ABTB3: variants seen among roughly 807,000 people sequenced by gnomAD.
The protein encoded by ABTB3 is ankyrin repeat and BTB domain containing 3.
At chr12:107,441,773 A>T in the ABTB3 span, among the ~76,000 whole-genome samples, 1 of 144,370 alleles carries the variant, frequency 6.9e-6, no homozygotes, top group Non-Finnish European at 1.5e-5. Flanking sequence ...ACTTGTCTCT[A>T]CAAAAAAAAA....
At chr12:107,359,203 G>A in the ABTB3 span, among the ~76,000 whole-genome samples, 1 of 152,266 alleles carries the variant, frequency 6.6e-6, no homozygotes, top group Non-Finnish European at 1.5e-5. Flanking sequence ...CAAAAGGTAG[G>A]AGGCATGGAA....
the ABTB3 span, among the ~76,000 whole-genome samples, chr12:107,466,479 C>T: frequency 1.3e-5 from 2 of 151,434 alleles, no homozygotes; most frequent in East Asian, 2.0e-4. Flanking sequence ...CACAAATGTC[C>T]AATAGAGGCA....
the ABTB3 span, among the ~76,000 whole-genome samples, chr12:107,407,440 CT>C: frequency 6.6e-6 from 1 of 152,242 alleles, no homozygotes. Context: ...TCCAAGAAGG[CT>C]TGGCCCCTTG....
chr12:107,503,051 C>T, the ABTB3 span, among the ~76,000 whole-genome samples: 1 of 152,130 alleles, frequency 6.6e-6, no homozygotes, highest in African/African-American at 2.4e-5. Flanking sequence ...CATGCCAGGC[C>T]TTATAGGGTC....
the ABTB3 span, among the ~76,000 whole-genome samples, chr12:107,469,868 TTCTTTC>T: frequency 3.6e-4 from 29 of 80,146 alleles, no homozygotes; most frequent in Non-Finnish European, 5.4e-4. Context: ...TTTCTTTCTT[TTCTTTC>T]TTTCTTTCTT....
the ABTB3 span, among the ~76,000 whole-genome samples, chr12:107,574,361 A>G: frequency 1.1e-4 from 16 of 152,222 alleles, no homozygotes; most frequent in Non-Finnish European, 1.9e-4. Flanking sequence ...GATTCTCTGT[A>G]GGTCATGGTT....
chr12:107,342,305 C>T, the ABTB3 span, among the ~76,000 whole-genome samples: 12 of 152,148 alleles, frequency 7.9e-5, no homozygotes, highest in African/African-American at 2.9e-4. Flanking sequence ...TCCATCCAAG[C>T]AGCTCCCTAG....
the ABTB3 span, among the ~76,000 whole-genome samples, chr12:107,548,956 G>T: frequency 1.2e-4 from 19 of 152,176 alleles, no homozygotes; most frequent in African/African-American, 4.6e-4. Context: ...GTAATGCCTA[G>T]GGTAACTGTG....
chr12:107,576,907 G>C, the ABTB3 span, among the ~76,000 whole-genome samples: 3 of 152,076 alleles, frequency 2.0e-5, no homozygotes, highest in Non-Finnish European at 2.9e-5. Flanking sequence ...AAAACTTTCT[G>C]TCCCTATCAC....
At chr12:107,350,377 C>T in the ABTB3 span, among the ~76,000 whole-genome samples, 1 of 151,780 alleles carries the variant, frequency 6.6e-6, no homozygotes, top group Admixed American at 6.6e-5. Context: ...GGTGAAACCC[C>T]GTCTCTACTA....
At chr12:107,494,179 A>T in the ABTB3 span, among the ~76,000 whole-genome samples, 118 of 152,324 alleles carry the variant, frequency 7.7e-4, no homozygotes, top group Non-Finnish European at 1.3e-3. Context: ...GAGAGTGAAG[A>T]ATTCATATGA....
the ABTB3 span, chr12:107,610,375 G>T: frequency 6.2e-7 from 1 of 1,611,180 alleles, no homozygotes; most frequent in East Asian, 2.2e-5. Flanking sequence ...CCGAGGGTCT[G>T]AACAGGCTCC....
At chr12:107,551,442 C>T in the ABTB3 span, among the ~76,000 whole-genome samples, 1 of 152,182 alleles carries the variant, frequency 6.6e-6, no homozygotes, top group Non-Finnish European at 1.5e-5. Flanking sequence ...TTTCCTCTGG[C>T]CATGGTAAAA....
At chr12:107,448,652 T>G in the ABTB3 span, among the ~76,000 whole-genome samples, 1 of 151,914 alleles carries the variant, frequency 6.6e-6, no homozygotes, top group African/African-American at 2.4e-5. Context: ...TTTCTTTTTT[T>G]TTTTTGAGGT....
At chr12:107,438,036 G>A in the ABTB3 span, among the ~76,000 whole-genome samples, 7,510 of 151,942 alleles carry the variant, frequency 0.049, 568 homozygotes, top group African/African-American at 0.17. Flanking sequence ...GGCCTCAGTC[G>A]GTCTCTCCTG....
chr12:107,640,148 G>A, the ABTB3 span, among the ~76,000 whole-genome samples: 1 of 152,194 alleles, frequency 6.6e-6, no homozygotes, highest in African/African-American at 2.4e-5. Flanking sequence ...TGACTTGACT[G>A]TTCCTCTGAT....
At chr12:107,412,811 T>G in the ABTB3 span, among the ~76,000 whole-genome samples, 1 of 151,992 alleles carries the variant, frequency 6.6e-6, no homozygotes. Context: ...ACCCATCTAG[T>G]GTCTGGATTA....
the ABTB3 span, among the ~76,000 whole-genome samples, chr12:107,516,664 C>T: frequency 1.3e-5 from 2 of 152,162 alleles, no homozygotes; most frequent in Non-Finnish European, 2.9e-5. Context: ...GTGTCTGGAG[C>T]CACCAATCAG....
chr12:107,349,477 G>A, the ABTB3 span, among the ~76,000 whole-genome samples: 89 of 152,316 alleles, frequency 5.8e-4, no homozygotes, highest in African/African-American at 2.0e-3. Context: ...CCCAGACATT[G>A]AGCATGCAGA....
Sources: allele counts gnomAD v4.1 joint callset (sites outside exome capture counted in the v4.1 genomes callset), GRCh38; gene constraint gnomAD v4.1.1; transcripts MANE v1.5; gene names NCBI Gene and HGNC (gene_info 2026-07-23, HGNC 2026-07-21).